SH3RF1: variants seen among roughly 807,000 people sequenced by gnomAD.
SH3RF1 encodes SH3 domain containing ring finger 1, also known as E3 ubiquitin-protein ligase SH3RF1.
SH3RF1 carries 32 observed loss-of-function variants against 74.0 expected under a neutral mutation model. The ratio of observed to expected loss-of-function variants is 0.43; its 90% CI spans 0.33 to 0.58. The LOEUF (loss-of-function observed/expected upper bound fraction) is 0.58. SH3RF1 is among the 20% of genes least tolerant of loss of function. The probability of loss-of-function intolerance (pLI) is 0.05; values close to 1 mark genes in which losing one functional copy is unlikely to be tolerated. For synonymous variants in SH3RF1, 396 were observed against 439.6 expected, an observed-to-expected ratio of 0.90 and a Z score of 1.24; for missense variants, 954 against 1,130.9, an observed-to-expected ratio of 0.84 and a Z score of 2.24.
chr4:169,116,273 C>T lies in SH3RF1; in HGVS notation c.2135G>A (p.Ser712Asn), dbSNP rs765819717. The change falls in exon 10 of 12, where the codon AGC (serine) becomes AAC (asparagine). Residue 712 changes from serine (S) to asparagine (N), a missense_variant. Physicochemically the swap from Ser to Asn is conservative, Grantham distance 46. Coordinates refer to ENST00000284637, the MANE Select transcript of SH3RF1 (RefSeq NM_020870.4). ...NSSATKPDKD[S>N]KKEKKGLLKL... is the part of the protein sequence containing the mutation. Reference sequence around the variant, plus strand: ...AGTAAGTAAGTATGGTCTTACTTTGCTATCCTTGTCTGGTTTGGTTGCTGA... The same window carrying T: ...AGTAAGTAAGTATGGTCTTACTTTGTTATCCTTGTCTGGTTTGGTTGCTGA... 3.1e-6 allele frequency: 5 copies of T among 1,602,722 alleles called. No individual in the cohort carries two copies. The highest frequency in any genetic ancestry group is 1.7e-5 in the Admixed American group (1 of 59,172).
At chr4:169,175,368 C>T (rs1483357187) in intron 2 of SH3RF1, among the ~76,000 whole-genome samples, 1 of 152,144 alleles carries the variant, frequency 6.6e-6, no homozygotes, top group Non-Finnish European at 1.5e-5. Context: ...ATCATCTGGT[C>T]CCGGCTAACC....
intron 1 of SH3RF1, among the ~76,000 whole-genome samples, 183 bp from the exon 2 acceptor site, chr4:169,269,490 T>A (rs1731409881): frequency 6.6e-6 from 1 of 152,138 alleles, no homozygotes; most frequent in Non-Finnish European, 1.5e-5. Context: ...AAAACAGGCT[T>A]TCTAAACAAC....
chr4:169,105,016 A>G (rs887787768), intron 11 of SH3RF1, among the ~76,000 whole-genome samples: 15 of 152,204 alleles, frequency 9.9e-5, no homozygotes, highest in Admixed American at 8.5e-4. Context: ...GTGTGCCAAA[A>G]ATATGAATGC....
intron 10 of SH3RF1, among the ~76,000 whole-genome samples, chr4:169,109,814 A>G (rs148364234): frequency 6.6e-6 from 1 of 150,634 alleles, no homozygotes; most frequent in African/African-American, 2.4e-5. Flanking sequence ...GTTCAAGACC[A>G]GCCTGGGCAA....
At position 169,156,749 on chromosome 4, in the gene SH3RF1, C is replaced by T. The variant is rs778285633; in HGVS notation, c.394-70G>A. Reference sequence around the variant, plus strand: ...TAAAATGTCTCTGAAAATACAACTGCGTTGTCATTGTTTTAAAGTCAAAGT... The same window carrying T: ...TAAAATGTCTCTGAAAATACAACTGTGTTGTCATTGTTTTAAAGTCAAAGT... On this transcript the variant is annotated intron_variant, in intron 2 of 11. Coordinates refer to ENST00000284637, the MANE Select transcript of SH3RF1 (RefSeq NM_020870.4). 401 of 1,410,076 alleles carry T rather than the reference C, an allele frequency of 2.8e-4. 1 individual carries two copies. Among genetic ancestry groups the T allele is most frequent in the Middle Eastern group, 1.3e-3 (5 of 3,920 alleles). 87.3% of individuals were successfully genotyped at this position (1,410,076 alleles called of 1,614,324 possible).
At chr4:169,215,129 T>G (rs772884715) in intron 2 of SH3RF1, among the ~76,000 whole-genome samples, 1 of 152,156 alleles carries the variant, frequency 6.6e-6, no homozygotes, top group Non-Finnish European at 1.5e-5. Flanking sequence ...GTTGAGGTAG[T>G]CCCCTCTATT....
chr4:169,150,675 G>T (rs760649621), intron 4 of SH3RF1, among the ~76,000 whole-genome samples: 3 of 152,098 alleles, frequency 2.0e-5, no homozygotes, highest in Non-Finnish European at 4.4e-5. Context: ...ATGCATCTTA[G>T]GGCCCCATGT....
chr4:169,218,776 C>T (rs1347131495), intron 2 of SH3RF1, among the ~76,000 whole-genome samples: 1 of 151,964 alleles, frequency 6.6e-6, no homozygotes, highest in Non-Finnish European at 1.5e-5. Context: ...TAGGTAGCAT[C>T]ATACTCAATA....
chr4:169,257,614 C>T (rs150917567), intron 2 of SH3RF1, among the ~76,000 whole-genome samples: 1 of 152,322 alleles, frequency 6.6e-6, no homozygotes, highest in Non-Finnish European at 1.5e-5. Flanking sequence ...GGGGTTCTCA[C>T]ATCAGTAAAA....
intron 11 of SH3RF1, among the ~76,000 whole-genome samples, chr4:169,099,824 G>C (rs1264901352): frequency 1.3e-5 from 2 of 152,214 alleles, no homozygotes; most frequent in East Asian, 3.9e-4. Context: ...AATTTTCATT[G>C]CTAAGTTTTA....
intron 2 of SH3RF1, chr4:169,204,078 T>C (rs909523181): frequency 2.6e-5 from 4 of 152,204 alleles, no homozygotes; most frequent in African/African-American, 9.7e-5. Context: ...TTTAACCTCA[T>C]TTAAACTTTG....
intron 5 of SH3RF1, among the ~76,000 whole-genome samples, chr4:169,134,174 C>T (rs1011757097): frequency 6.6e-6 from 1 of 152,158 alleles, no homozygotes; most frequent in African/African-American, 2.4e-5. Context: ...CCTGAGGCAA[C>T]ACTCTGCCAC....
chr4:169,221,105 C>T (rs556161062), intron 2 of SH3RF1, among the ~76,000 whole-genome samples: 4 of 152,292 alleles, frequency 2.6e-5, no homozygotes, highest in South Asian at 2.1e-4. Context: ...ATACTGTTTT[C>T]GATTTGCTGA....
intron 10 of SH3RF1, among the ~76,000 whole-genome samples, chr4:169,110,504 C>T (rs1440898196): frequency 6.6e-6 from 1 of 152,108 alleles, no homozygotes; most frequent in Middle Eastern, 3.2e-3. Context: ...GTGGTGTGAA[C>T]CTGTAGTCCC....
intron 11 of SH3RF1, among the ~76,000 whole-genome samples, chr4:169,105,648 T>C (rs2446173): frequency 0.49 from 75,250 of 152,036 alleles, 22,594 homozygotes; most frequent in African/African-American, 0.86. Context: ...AATCGCAGCA[T>C]TTTGGGAGGC....
At chr4:169,159,974 G>T (rs1250179357) in intron 2 of SH3RF1, among the ~76,000 whole-genome samples, 1 of 152,164 alleles carries the variant, frequency 6.6e-6, no homozygotes, top group Non-Finnish European at 1.5e-5. Flanking sequence ...CCGTTTAATA[G>T]GGGATGGCAT....
chr4:169,108,546 TG>T (rs1021308750), intron 10 of SH3RF1, among the ~76,000 whole-genome samples: 1 of 151,476 alleles, frequency 6.6e-6, no homozygotes, highest in Non-Finnish European at 1.5e-5. Flanking sequence ...AGGGTGGGAG[TG>T]GGTGCTAAGG....
intron 6 of SH3RF1, among the ~76,000 whole-genome samples, chr4:169,128,907 C>A (rs1733567514): frequency 6.6e-6 from 1 of 152,162 alleles, no homozygotes; most frequent in Admixed American, 6.6e-5. Context: ...CTCAACCGAG[C>A]CCAAAAAGGA....
intron 2 of SH3RF1, among the ~76,000 whole-genome samples, chr4:169,179,667 T>C (rs989387320): frequency 3.3e-5 from 5 of 152,086 alleles, no homozygotes; most frequent in Non-Finnish European, 7.4e-5. Context: ...AAAAGAAGGC[T>C]CCTGAGAGCC....
Sources: allele counts gnomAD v4.1 joint callset (sites outside exome capture counted in the v4.1 genomes callset), GRCh38; gene constraint gnomAD v4.1.1; transcripts MANE v1.5; gene names NCBI Gene and HGNC (gene_info 2026-07-23, HGNC 2026-07-21).